TMED10: variants seen among roughly 807,000 people sequenced by gnomAD.
TMED10 encodes transmembrane emp24 domain-containing protein 10.
Under a neutral mutation model 23.1 loss-of-function variants are expected in TMED10, and 7 were observed. The ratio of observed to expected loss-of-function variants is 0.30; its 90% confidence interval spans 0.17 to 0.57. The LOEUF (loss-of-function observed/expected upper bound fraction) is 0.57. TMED10 is among the 20% of genes least tolerant of loss of function. The probability of loss-of-function intolerance (pLI) is 0.91; values close to 1 mark genes in which losing one functional copy is unlikely to be tolerated. For synonymous variants in TMED10, 113 were observed against 106.9 expected, an observed-to-expected ratio of 1.06 and a Z score of -0.35; for missense variants, 162 against 274.8, an observed-to-expected ratio of 0.59 and a Z score of 2.90.
At chr14:75,143,933 C>CAAAAAA (rs5809695) in intron 3 of TMED10, among the ~76,000 whole-genome samples, 2 of 126,218 alleles carry the variant, frequency 1.6e-5, no homozygotes, top group African/African-American at 6.2e-5. Context: ...TACTCTGTCT[C>CAAAAAA]AAAAAAAAAA....
chr14:75,145,617 C>T (rs1214882425), intron 3 of TMED10, among the ~76,000 whole-genome samples: 1 of 152,122 alleles, frequency 6.6e-6, no homozygotes, highest in Middle Eastern at 3.2e-3. Flanking sequence ...GAAACCCCGT[C>T]TCTACTAAAA....
intron 1 of TMED10, among the ~76,000 whole-genome samples, chr14:75,153,474 C>G (rs1207623383): frequency 1.3e-5 from 2 of 152,174 alleles, no homozygotes; most frequent in African/African-American, 2.4e-5. Flanking sequence ...ACATACAAAG[C>G]AAGGGAATTC....
intron 1 of TMED10, among the ~76,000 whole-genome samples, chr14:75,155,245 C>A (rs1313379176): frequency 1.3e-5 from 2 of 152,220 alleles, no homozygotes; most frequent in Admixed American, 6.5e-5. Context: ...CAGGTGTGAG[C>A]CACCACGCCC....
chr14:75,169,854 G>C (rs977854055), intron 1 of TMED10, among the ~76,000 whole-genome samples: 2 of 152,168 alleles, frequency 1.3e-5, no homozygotes, highest in Non-Finnish European at 2.9e-5. Flanking sequence ...ATGAAAAGGA[G>C]CTCTGGCACT....
Position 75,143,826 on chromosome 14 carries a change from C to T in TMED10, c.411+3838G>A, listed in dbSNP as rs371848339. On this transcript the variant is annotated intron_variant, in intron 3 of 4. Coordinates refer to ENST00000303575, the MANE Select transcript of TMED10 (RefSeq NM_006827.6). ...GTGCACACTTGTAATCCCAGCTACT[C>T]GGGAGGCTGAGGCAGAATAATTGTT... Among the ~76,000 whole-genome samples, 11 of 150,180 alleles carry T rather than the reference C, an allele frequency of 7.3e-5. No homozygotes were observed. In the East Asian group the frequency reaches 1.6e-3, roughly 22 times the overall value.
At chr14:75,159,485 T>C (rs1170688265) in intron 1 of TMED10, among the ~76,000 whole-genome samples, 1 of 152,222 alleles carries the variant, frequency 6.6e-6, no homozygotes, top group Non-Finnish European at 1.5e-5. Flanking sequence ...AACAACTGAA[T>C]TTAACAGTGT....
chr14:75,164,543 A>G (rs1896126874), intron 1 of TMED10, among the ~76,000 whole-genome samples: 1 of 6,186 alleles, frequency 1.6e-4, no homozygotes, highest in Non-Finnish European at 3.1e-4. Context: ...ATATATATAT[A>G]TATATATATA....
At chr14:75,175,039 CAAAAA>C (rs57423430) in intron 1 of TMED10, among the ~76,000 whole-genome samples, 7 of 87,046 alleles carry the variant, frequency 8.0e-5, no homozygotes, top group African/African-American at 2.6e-4. Flanking sequence ...GACTCCGTCT[CAAAAA>C]AAAAAAAAAA....
chr14:75,174,923 C>T (rs1261401529), intron 1 of TMED10, among the ~76,000 whole-genome samples: 1 of 151,262 alleles, frequency 6.6e-6, no homozygotes, highest in South Asian at 2.1e-4. Context: ...GCCTGTAGTC[C>T]TAGCTACTCG....
intron 3 of TMED10, 63 bp from the exon 4 acceptor site, chr14:75,135,949 A>C: frequency 6.3e-7 from 1 of 1,587,960 alleles, no homozygotes; most frequent in Middle Eastern, 1.7e-4. Flanking sequence ...AACATAAAGA[A>C]GGCAACAGAG....
At chr14:75,145,196 C>T (rs1895868285) in intron 3 of TMED10, among the ~76,000 whole-genome samples, 1 of 152,100 alleles carries the variant, frequency 6.6e-6, no homozygotes, top group Admixed American at 6.5e-5. Context: ...TAAAGGCAGG[C>T]TTAGGACATG....
intron 1 of TMED10, among the ~76,000 whole-genome samples, chr14:75,161,945 G>C (rs1005875554): frequency 6.6e-6 from 1 of 151,920 alleles, no homozygotes; most frequent in Non-Finnish European, 1.5e-5. Flanking sequence ...GACTGAGGAA[G>C]GAAATGTACA....
intron 1 of TMED10, chr14:75,176,100 C>A (rs1896301200): frequency 1.8e-6 from 1 of 553,092 alleles, no homozygotes; most frequent in South Asian, 2.0e-5. Context: ...CGTTGACAAC[C>A]GCCCCAGCTC....
intron 3 of TMED10, 185 bp downstream of exon 3, chr14:75,147,479 C>A (rs1020091817): frequency 1.0e-5 from 7 of 678,842 alleles, no homozygotes; most frequent in African/African-American, 8.9e-5. Flanking sequence ...CAGGAGTGAG[C>A]CACCGCGCCC....
At position 75,132,607 on chromosome 14, in the gene TMED10, C is replaced by G. The variant is rs1895700778; in HGVS notation, c.*2278G>C. On this transcript the variant is annotated 3_prime_UTR_variant, in exon 5 of 5. Transcript: ENST00000303575. ...GTTGTACAAGTTAACGACAGAACTA[C>G]TTTTATGCCACAGGAGAGGAAGACA... The G allele has an allele frequency of 6.6e-6, 1 of 152,046 alleles. No homozygotes were observed. Among genetic ancestry groups the G allele is most frequent in the African/African-American group, 2.4e-5 (1 of 41,360 alleles). The allele number at this position is 152,046 out of a possible 1,614,324, so 9.4% of individuals were successfully genotyped here.
intron 1 of TMED10, among the ~76,000 whole-genome samples, chr14:75,160,710 G>A (rs1280307515): frequency 6.6e-6 from 1 of 152,140 alleles, no homozygotes; most frequent in African/African-American, 2.4e-5. Context: ...TTTGTTTCTA[G>A]ATATCACCTT....
chr14:75,165,586 G>C (rs1164405190), intron 1 of TMED10, among the ~76,000 whole-genome samples: 1 of 152,140 alleles, frequency 6.6e-6, no homozygotes, highest in Admixed American at 6.6e-5. Flanking sequence ...AACTCTGACG[G>C]CTTAGGTGCT....
chr14:75,158,909 A>T (rs1380407356), intron 1 of TMED10, among the ~76,000 whole-genome samples: 1 of 152,068 alleles, frequency 6.6e-6, no homozygotes, highest in African/African-American at 2.4e-5. Flanking sequence ...GGGCAACAAG[A>T]GTGAAATTCC....
intron 2 of TMED10, among the ~76,000 whole-genome samples, chr14:75,150,083 G>A (rs1223367219): frequency 2.6e-5 from 4 of 152,118 alleles, no homozygotes; most frequent in Non-Finnish European, 4.4e-5. Context: ...GGGTGACAGA[G>A]CAAGACTCTT....
Sources: gnomAD v4.1 joint callset for allele counts (sites outside exome capture counted in the v4.1 genomes callset) on GRCh38, gnomAD v4.1.1 for gene constraint, MANE v1.5 for transcripts, NCBI Gene and HGNC (gene_info 2026-07-23, HGNC 2026-07-21) for gene names.